PHLPP1: variants seen among roughly 807,000 people sequenced by gnomAD.
PHLPP1 encodes PH domain and leucine rich repeat protein phosphatase 1, also known as PH domain leucine-rich repeat-containing protein phosphatase 1.
Under a neutral mutation model 117.2 loss-of-function variants are expected in PHLPP1, and 42 were observed. The ratio of observed to expected loss-of-function variants is 0.36; its 90% CI spans 0.28 to 0.46. The LOEUF (loss-of-function observed/expected upper bound fraction) is 0.46, where lower values mean the gene tolerates loss of function less well. PHLPP1 is among the 20% of genes least tolerant of loss of function. The pLI, the probability that PHLPP1 is intolerant of heterozygous loss-of-function variation, is 1.00. For missense variants in PHLPP1, 2,084 were observed against 2,241.9 expected (o/e 0.93, Z 1.42); for synonymous variants, 1,042 against 970.7 (o/e 1.07, Z -1.37).
chr18:62,862,224 C>T (rs767233180), intron 4 of PHLPP1, among the ~76,000 whole-genome samples: 5 of 151,954 alleles, frequency 3.3e-5, no homozygotes, highest in East Asian at 1.9e-4. Flanking sequence ...GGATTACAGG[C>T]GCTCCCCCAA....
chr18:62,972,983 C>T (rs996882288), intron 15 of PHLPP1, among the ~76,000 whole-genome samples: 1 of 152,212 alleles, frequency 6.6e-6, no homozygotes, highest in Admixed American at 6.5e-5. Context: ...GTGTTGATTG[C>T]AGATTTTCAT....
At chr18:62,899,551 G>T (rs190436222) in intron 6 of PHLPP1, among the ~76,000 whole-genome samples, 1 of 151,912 alleles carries the variant, frequency 6.6e-6, no homozygotes, top group Non-Finnish European at 1.5e-5. Context: ...TACATCATTC[G>T]TGGCACTTAC....
chr18:62,790,085 C>G (rs187109850), intron 1 of PHLPP1, among the ~76,000 whole-genome samples: 102 of 152,264 alleles, frequency 6.7e-4, no homozygotes, highest in South Asian at 1.2e-3. Context: ...AAAAGAGAGT[C>G]AATGCTTTCC....
intron 1 of PHLPP1, among the ~76,000 whole-genome samples, chr18:62,769,085 A>G (rs1028912944): frequency 2.6e-5 from 4 of 152,352 alleles, no homozygotes; most frequent in Admixed American, 2.6e-4. Flanking sequence ...TTAAAAGAAT[A>G]ACTCTGATAT....
chr18:62,755,834 G>T (rs891153299), intron 1 of PHLPP1, among the ~76,000 whole-genome samples: 31 of 152,316 alleles, frequency 2.0e-4, no homozygotes, highest in African/African-American at 7.5e-4. Flanking sequence ...GAACTGGGCA[G>T]TTTCTATTGG....
At chr18:62,857,660 T>G (rs1008734626) in intron 3 of PHLPP1, among the ~76,000 whole-genome samples, 2 of 152,248 alleles carry the variant, frequency 1.3e-5, no homozygotes, top group African/African-American at 4.8e-5. Context: ...GCTTCAAGTT[T>G]GGGCTTGGAT....
chr18:62,726,073 ATTC>A (rs1161548858), intron 1 of PHLPP1, among the ~76,000 whole-genome samples: 2 of 151,988 alleles, frequency 1.3e-5, no homozygotes, highest in Non-Finnish European at 2.9e-5. Flanking sequence ...TGGCAAACTT[ATTC>A]TTCCTTATGC....
At chr18:62,879,376 T>C (rs1184032439) in intron 4 of PHLPP1, among the ~76,000 whole-genome samples, 1 of 151,970 alleles carries the variant, frequency 6.6e-6, no homozygotes. Flanking sequence ...AATTTTTTCT[T>C]TATAAATTAC....
At chr18:62,874,680 C>T (rs541338123) in intron 4 of PHLPP1, among the ~76,000 whole-genome samples, 349 of 151,644 alleles carry the variant, frequency 2.3e-3, no homozygotes, top group African/African-American at 8.3e-3. Flanking sequence ...CACACACACA[C>T]ACACACACAC....
chr18:62,887,977 C>G (rs1166643535), intron 4 of PHLPP1, among the ~76,000 whole-genome samples: 2 of 152,118 alleles, frequency 1.3e-5, no homozygotes, highest in Non-Finnish European at 2.9e-5. Flanking sequence ...TGGGCTCAAA[C>G]AGTCCTCCCT....
At chr18:62,970,054 T>G (rs576451794) in intron 14 of PHLPP1, among the ~76,000 whole-genome samples, 55 of 152,222 alleles carry the variant, frequency 3.6e-4, no homozygotes, top group Non-Finnish European at 7.3e-4. Flanking sequence ...TTCTTCATTC[T>G]TTTGGATTAT....
intron 1 of PHLPP1, among the ~76,000 whole-genome samples, chr18:62,814,736 A>C (rs630230): frequency 0.02 from 3,090 of 152,170 alleles, 54 homozygotes; most frequent in Non-Finnish European, 0.035. Context: ...ACATTTTGGA[A>C]ATTCTTGTGA....
At position 62,978,307 on chromosome 18, in the gene PHLPP1, T is replaced by C; in HGVS notation, c.4030T>C (p.Tyr1344His). 6.2e-7 allele frequency: 1 copy of C among 1,613,086 alleles called. No homozygotes were observed. The highest frequency in any genetic ancestry group is 8.5e-7 in the Non-Finnish European group (1 of 1,179,338). The change falls in exon 17 of 17, where the codon TAC becomes CAC. Residue 1344 changes from tyrosine to histidine, a missense_variant. Tyr to His is a moderately conservative substitution (Grantham distance 83). This residue lies in a region of PHLPP1 where 1,365 missense variants were observed against 1,605.9 expected (regional missense o/e 0.85). Coordinates refer to ENST00000262719, the MANE Select transcript of PHLPP1 (RefSeq NM_194449.4). The surrounding 1 kb of genome is among the most constrained non-coding windows in gnomAD (Gnocchi z 7.0). ...GACTGAGTCCACGCGCATCCTGGGC[T>C]ACACCTTCCTCCATCCCAGTGTGGT... ...GVTESTRILG[Y>H]TFLHPSVVPR...
At chr18:62,889,084 G>A (rs1291649118) in intron 4 of PHLPP1, among the ~76,000 whole-genome samples, 1 of 152,134 alleles carries the variant, frequency 6.6e-6, no homozygotes, top group Non-Finnish European at 1.5e-5. Context: ...GAAGGCTAAG[G>A]GTTAGTTACC....
intron 10 of PHLPP1, among the ~76,000 whole-genome samples, chr18:62,921,279 A>T (rs992329467): frequency 6.6e-6 from 1 of 152,240 alleles, no homozygotes; most frequent in Admixed American, 6.5e-5. Flanking sequence ...GAAGACAAAA[A>T]CGTTAAATTT....
Position 62,979,467 on chromosome 18 carries a change from A to G in PHLPP1, c.*36A>G, listed in dbSNP as rs779655664. On this transcript the variant is annotated 3_prime_UTR_variant, in exon 17 of 17. Coordinates refer to ENST00000262719, the MANE Select transcript of PHLPP1 (RefSeq NM_194449.4). ...CTGTTTAACAAATAAACTAACCACA[A>G]AAGACTGAGTTGCAAGAGTCTCCCA... The G allele has an allele frequency of 9.1e-6, 14 of 1,537,198 alleles. No individual in the cohort carries two copies. The highest frequency in any genetic ancestry group is 1.7e-4 in the Middle Eastern group (1 of 5,940).
intron 3 of PHLPP1, among the ~76,000 whole-genome samples, chr18:62,853,462 C>A (rs1225837793): frequency 6.6e-6 from 1 of 151,660 alleles, no homozygotes; most frequent in African/African-American, 2.4e-5. Flanking sequence ...CTCTGCCTCT[C>A]GGGTTCAAGC....
chr18:62,752,422 TTA>T (rs2144237558), intron 1 of PHLPP1, among the ~76,000 whole-genome samples: 1 of 152,322 alleles, frequency 6.6e-6, no homozygotes, highest in South Asian at 2.1e-4. Context: ...AAAGTAAGTA[TTA>T]TTTAGGTTTG....
intron 1 of PHLPP1, among the ~76,000 whole-genome samples, chr18:62,747,229 C>T (rs1911702556): frequency 6.7e-6 from 1 of 149,712 alleles, no homozygotes; most frequent in Non-Finnish European, 1.5e-5. Context: ...CATTTTATTC[C>T]TAAGGTCAGG....
Sources: gnomAD v4.1 joint callset for allele counts (sites outside exome capture counted in the v4.1 genomes callset) on GRCh38, gnomAD v4.1.1 for gene constraint, gnomAD v4.1.1 regional missense constraint, Gnocchi (gnomAD v3.1) non-coding constraint, MANE v1.5 for transcripts, NCBI Gene and HGNC (gene_info 2026-07-23, HGNC 2026-07-21) for gene names.